PPM1D: variants seen among roughly 807,000 people sequenced by gnomAD.
PPM1D encodes the protein protein phosphatase, Mg2+/Mn2+ dependent 1D, also known as protein phosphatase 1D.
Under a neutral mutation model 58.3 loss-of-function variants are expected in PPM1D, and 52 were observed. That is an observed-to-expected ratio of 0.89 (90% CI 0.71 to 1.12). PPM1D has a LOEUF of 1.12. Among genes scored for constraint, PPM1D ranks in the 50% most tolerant of loss-of-function variants. The pLI, the probability that PPM1D is intolerant of heterozygous loss-of-function variation, is 0.00. For synonymous variants in PPM1D, 278 were observed against 285.1 expected (o/e 0.98, Z 0.25); for missense variants, 564 against 777.2 (o/e 0.73, Z 3.26).
chr17:60,652,582 C>T (rs1447760511), intron 4 of PPM1D, among the ~76,000 whole-genome samples: 3 of 95,186 alleles, frequency 3.2e-5, no homozygotes, highest in African/African-American at 1.2e-4. Context: ...TTTTGAGGAA[C>T]CTTCATACTG....
At position 60,664,365 on chromosome 17, in the gene PPM1D, C is replaced by G. The variant is rs945339652; in HGVS notation, c.*813C>G. ...ATATGTGAAGTTTTCCTTGCTATTTCAATAACAGATGGTGCTGCTAATTCC... is the reference window on the plus strand; with the variant it reads ...ATATGTGAAGTTTTCCTTGCTATTTGAATAACAGATGGTGCTGCTAATTCC... On this transcript the variant is annotated 3_prime_UTR_variant, in exon 6 of 6. Coordinates refer to ENST00000305921, the MANE Select transcript of PPM1D (RefSeq NM_003620.4). 1.3e-5 allele frequency: 2 copies of G among 152,632 alleles called. No individual in the cohort carries two copies. The highest frequency in any genetic ancestry group is 6.5e-5 in the Admixed American group (1 of 15,274). The allele number at this position is 152,632 out of a possible 1,614,324, so 9.5% of individuals were successfully genotyped here.
At chr17:60,610,883 C>G (rs917799159) in intron 1 of PPM1D, among the ~76,000 whole-genome samples, 3 of 152,110 alleles carry the variant, frequency 2.0e-5, no homozygotes, top group African/African-American at 7.2e-5. Context: ...TGTTTATTCC[C>G]CTGAAGAAGT....
rs7211070 is a variant in PPM1D at position 60,612,385 on chromosome 17, C to G, written c.473-11136C>G. Among the ~76,000 whole-genome samples, 288 of 152,270 alleles carry G rather than the reference C, an allele frequency of 1.9e-3. 4 individuals carry two copies. The highest frequency in any genetic ancestry group is 6.7e-3 in the African/African-American group (278 of 41,544). On this transcript the variant is annotated intron_variant, in intron 1 of 5. Transcript: ENST00000305921. ...GTGCGAATATCAGAGTGTACTGACA[C>G]AAACCTAGATGGTATAGCCTACTGC...
chr17:60,643,703 C>G (rs1346314694), intron 3 of PPM1D, among the ~76,000 whole-genome samples: 1 of 152,036 alleles, frequency 6.6e-6, no homozygotes, highest in Non-Finnish European at 1.5e-5. Flanking sequence ...AATAATAGGA[C>G]TGACTGACAC....
At chr17:60,633,511 C>A (rs1463290091) in intron 2 of PPM1D, among the ~76,000 whole-genome samples, 1 of 151,928 alleles carries the variant, frequency 6.6e-6, no homozygotes, top group Non-Finnish European at 1.5e-5. Flanking sequence ...CGAGTTCAAG[C>A]AGTTCTCTCT....
rs767293033 is a variant in PPM1D, at chr17:60,663,120, A to G, written c.1386A>G (p.Gln462=). 1 of 1,614,200 alleles carries G rather than the reference A, an allele frequency of 6.2e-7. No homozygotes were observed. Among genetic ancestry groups the G allele is most frequent in the Non-Finnish European group, 8.5e-7 (1 of 1,180,026 alleles). Residue 462 remains glutamine, a synonymous_variant, in exon 6 of 6, where the codon CAA becomes CAG. Transcript: ENST00000305921. ...VSAEIARENV[Q]GVVIPSKDPE... ...CTGAGATAGCTCGAGAGAATGTCCA[A>G]GGTGTAGTCATACCCTCAAAAGATC...
chr17:60,616,145 G>A (rs1196144719), intron 1 of PPM1D, among the ~76,000 whole-genome samples: 3 of 152,010 alleles, frequency 2.0e-5, no homozygotes, highest in Admixed American at 6.6e-5. Context: ...CTGGGGTTAT[G>A]GGTGTGGTGG....
chr17:60,600,705 C>T lies in PPM1D; in HGVS notation c.291C>T (p.Ser97=). ...GCCGCTGCTGCCGCCGCCGTTCCTC[C>T]GTGGCCTTTTTCGCCGTGTGCGACG... The part of the protein sequence containing the change: ...APSRCCRRRS[S]VAFFAVCDGH... Residue 97 remains serine (S), a synonymous_variant, in exon 1 of 6, where the codon TCC becomes TCT. Transcript: ENST00000305921. 1 of 1,606,212 alleles carries T rather than the reference C, an allele frequency of 6.2e-7. No homozygotes were observed. The highest frequency in any genetic ancestry group is 8.5e-7 in the Non-Finnish European group (1 of 1,177,118).
intron 3 of PPM1D, among the ~76,000 whole-genome samples, chr17:60,637,852 G>A (rs1174309785): frequency 6.6e-6 from 1 of 152,188 alleles, no homozygotes; most frequent in East Asian, 1.9e-4. Context: ...ACAGCTGTAA[G>A]TCAAATAGGA....
chr17:60,619,952 C>T (rs937236978), intron 1 of PPM1D, among the ~76,000 whole-genome samples: 2 of 151,904 alleles, frequency 1.3e-5, no homozygotes, highest in Admixed American at 1.3e-4. Context: ...AATGTCTATT[C>T]AGGTCATTTG....
In PPM1D at chr17:60,663,240, T is replaced by TA. The variant is rs762339739; in HGVS notation, c.1506_1507insA (p.Ser503IlefsTer25). 6.2e-7 allele frequency: 1 copy of TA among 1,614,154 alleles called. No homozygotes were observed. Among genetic ancestry groups the TA allele is most frequent in the Non-Finnish European group, 8.5e-7 (1 of 1,180,028 alleles). On this transcript the variant is annotated frameshift_variant, in exon 6 of 6. Transcript: ENST00000305921. LOFTEE classifies it high-confidence loss of function. ...TTCCAATTGGCCTTGTGCCTACTAA[T>TA]TCAACAAACACTGTCATGGACCAAA...
At chr17:60,627,960 A>G (rs2030844052) in intron 2 of PPM1D, among the ~76,000 whole-genome samples, 1 of 149,944 alleles carries the variant, frequency 6.7e-6, no homozygotes, top group African/African-American at 2.5e-5. Flanking sequence ...ATCTCGTCTC[A>G]CCGCAACCTC....
intron 3 of PPM1D, among the ~76,000 whole-genome samples, chr17:60,645,456 A>ATGTGTG (rs371276467): frequency 0.038 from 4,719 of 123,856 alleles, 106 homozygotes; most frequent in Non-Finnish European, 0.05. Flanking sequence ...TAAAATATAT[A>ATGTGTG]TGTGTGTGTG....
At chr17:60,635,179 A>G (rs2030999862) in intron 3 of PPM1D, among the ~76,000 whole-genome samples, 1 of 151,976 alleles carries the variant, frequency 6.6e-6, no homozygotes, top group South Asian at 2.1e-4. Flanking sequence ...GCTATTATGA[A>G]AAATACTGCA....
chr17:60,604,713 A>C (rs962071896), intron 1 of PPM1D: 3 of 152,160 alleles, frequency 2.0e-5, no homozygotes, highest in African/African-American at 7.2e-5. Flanking sequence ...ACCATGATGG[A>C]GCCTGTGCAC....
intron 2 of PPM1D, among the ~76,000 whole-genome samples, chr17:60,624,418 A>G (rs1223878443): frequency 6.6e-6 from 1 of 152,204 alleles, no homozygotes; most frequent in Non-Finnish European, 1.5e-5. Context: ...TTCCCATGAT[A>G]TCGTTACTTG....
At chr17:60,612,151 C>T (rs185635723) in intron 1 of PPM1D, among the ~76,000 whole-genome samples, 3 of 152,264 alleles carry the variant, frequency 2.0e-5, no homozygotes, top group Admixed American at 2.0e-4. Flanking sequence ...GCCATCATCA[C>T]ATTCAAAGCA....
intron 4 of PPM1D, among the ~76,000 whole-genome samples, chr17:60,652,592 G>T (rs995731283): frequency 6.1e-4 from 55 of 90,560 alleles, no homozygotes; most frequent in Admixed American, 2.1e-3. Context: ...CCTTCATACT[G>T]TTCTTCGTAG....
At chr17:60,656,485 T>G in intron 4 of PPM1D, 114 bp from the exon 5 acceptor site, 1 of 1,307,564 alleles carries the variant, frequency 7.6e-7, no homozygotes, top group Non-Finnish European at 1.0e-6. Flanking sequence ...AAAAAAAAAA[T>G]TGGGAGCTTT....
Sources: gnomAD v4.1 joint callset for allele counts (sites outside exome capture counted in the v4.1 genomes callset) on GRCh38, gnomAD v4.1.1 for gene constraint, MANE v1.5 for transcripts, NCBI Gene and HGNC (gene_info 2026-07-23, HGNC 2026-07-21) for gene names.